The following WDR19 variants were observed in gnomAD, a reference collection of about 807,000 sequenced individuals.
The protein encoded by WDR19 is WD repeat domain 19, also known as WD repeat-containing protein 19.
WDR19 carries 121 observed loss-of-function variants against 180.0 expected under a neutral mutation model. The ratio of observed to expected loss-of-function variants is 0.67; its 90% CI spans 0.58 to 0.78. WDR19 has a LOEUF of 0.78. Ranked by LOEUF, WDR19 falls within the 30% of genes least tolerant of loss-of-function variation. WDR19 has a pLI of 0.00. For missense variants in WDR19, 1,450 were observed against 1,640.7 expected (o/e 0.88, Z 2.01); for synonymous variants, 497 against 540.7 (o/e 0.92, Z 1.12).
intron 14 of WDR19, among the ~76,000 whole-genome samples, chr4:39,220,560 ATTTT>A (rs142037096): frequency 3.1e-5 from 2 of 64,376 alleles, no homozygotes; most frequent in African/African-American, 1.5e-4. Flanking sequence ...GACCTCCTTG[ATTTT>A]TTTTTTTTTT....
intron 9 of WDR19, chr4:39,206,066 T>G (rs1024468996): frequency 1.8e-5 from 3 of 168,624 alleles, no homozygotes; most frequent in African/African-American, 7.2e-5. Context: ...GCAGGCAGAT[T>G]GGAAAAGAAG....
chr4:39,278,272 C>T, intron 35 of WDR19, 65 bp downstream of exon 35: 1 of 1,415,426 alleles, frequency 7.1e-7, no homozygotes, highest in Non-Finnish European at 9.6e-7. Context: ...CATTCTACCT[C>T]TTTTCTTCCG....
chr4:39,219,496 A>G (rs1729434704), intron 14 of WDR19, among the ~76,000 whole-genome samples: 1 of 152,190 alleles, frequency 6.6e-6, no homozygotes, highest in South Asian at 2.1e-4. Flanking sequence ...ATTTTTAAGC[A>G]ATTTTGATGG....
intron 17 of WDR19, among the ~76,000 whole-genome samples, chr4:39,231,315 CAAAAA>C (rs56002679): frequency 9.2e-5 from 8 of 87,274 alleles, no homozygotes; most frequent in South Asian, 4.0e-4. Context: ...ACTCCGTCTT[CAAAAA>C]AAAAAAAAAA....
intron 14 of WDR19, among the ~76,000 whole-genome samples, chr4:39,223,005 G>A (rs1194202421): frequency 1.3e-5 from 2 of 152,110 alleles, no homozygotes; most frequent in Non-Finnish European, 2.9e-5. Flanking sequence ...TCACTCAGCA[G>A]ACTTCTCTGG....
intron 2 of WDR19, among the ~76,000 whole-genome samples, chr4:39,186,267 G>A (rs1398485164): frequency 6.6e-6 from 1 of 151,962 alleles, no homozygotes; most frequent in African/African-American, 2.4e-5. Context: ...ATCACTTGAG[G>A]CCAGGAGTTT....
chr4:39,284,331 ATTTTTTTTTTTTTTTT>A, intron 36 of WDR19, among the ~76,000 whole-genome samples: 1 of 91,542 alleles, frequency 1.1e-5, no homozygotes, highest in Non-Finnish European at 2.0e-5. Flanking sequence ...AGTAAAAAAA[ATTTTTTTTTTTTTTTT>A]TTTTTTTTTG....
At chr4:39,238,412 A>G (rs1473692562) in intron 20 of WDR19, among the ~76,000 whole-genome samples, 1 of 152,226 alleles carries the variant, frequency 6.6e-6, no homozygotes, top group African/African-American at 2.4e-5. Flanking sequence ...TGAGCTAAAA[A>G]CAACATAAAA....
At chr4:39,205,952 A>G (rs1251281331) in intron 9 of WDR19, 3 of 481,832 alleles carry the variant, frequency 6.2e-6, no homozygotes, top group Middle Eastern at 5.7e-4. Flanking sequence ...TCTGGGTAAC[A>G]TGGAGTAAGC....
chr4:39,188,436 C>A (rs1345391615), intron 3 of WDR19, among the ~76,000 whole-genome samples: 3 of 151,314 alleles, frequency 2.0e-5, no homozygotes, highest in Non-Finnish European at 4.4e-5. Context: ...AAATAATGAC[C>A]AGGCACAGGG....
chr4:39,186,758 G>T (rs1165183832), intron 3 of WDR19, among the ~76,000 whole-genome samples, 154 bp downstream of exon 3: 1 of 152,146 alleles, frequency 6.6e-6, no homozygotes, highest in African/African-American at 2.4e-5. Context: ...TATGAAATAT[G>T]TAGAGATATA....
chr4:39,192,971 A>C (rs780669384), intron 4 of WDR19, among the ~76,000 whole-genome samples: 7 of 152,144 alleles, frequency 4.6e-5, no homozygotes, highest in Non-Finnish European at 8.8e-5. Context: ...GCTGGGGCTC[A>C]TGGGCAGTTA....
chr4:39,273,035 C>CCAACAACA lies in WDR19; in HGVS notation c.3540_3547dup (p.Ile1183ThrfsTer15). 6.2e-7 allele frequency: 1 copy of CCAACAACA among 1,605,228 alleles called. No individual in the cohort carries two copies. The highest frequency in any genetic ancestry group is 8.5e-7 in the Non-Finnish European group (1 of 1,176,144). On this transcript the variant is annotated frameshift_variant, in exon 32 of 37. Coordinates refer to ENST00000399820, the MANE Select transcript of WDR19 (RefSeq NM_025132.4). LOFTEE classifies it high-confidence loss of function. ...GGGGCTCGCATGCTCATTCGGGTGG[C>CCAACAACA]CAACAACATCAGCAAATTTCCATCA...
chr4:39,281,236 T>TAGAGAGAGAGAGAGAG lies in WDR19; in HGVS notation c.*13+2585_*13+2600dup, dbSNP rs1553919999. ...GTGTGTATATATATATATATATATA[T>TAGAGAGAGAGAGAGAG]AGAGAGAGAGAGAGAGAGAGAGAGA... On this transcript the variant is annotated intron_variant, in intron 36 of 36. Transcript: ENST00000399820. Among the ~76,000 whole-genome samples, 654 of 103,884 alleles carry TAGAGAGAGAGAGAGAG rather than the reference T, an allele frequency of 6.3e-3. 5 individuals carry two copies. Among genetic ancestry groups the TAGAGAGAGAGAGAGAG allele is most frequent in the Middle Eastern group, 8.3e-3 (2 of 240 alleles). The allele number at this position is 103,884 out of a possible 152,430, so 68.2% of individuals were successfully genotyped here.
At chr4:39,210,544 A>C (rs998642626) in intron 9 of WDR19, among the ~76,000 whole-genome samples, 15 of 151,576 alleles carry the variant, frequency 9.9e-5, no homozygotes, top group Admixed American at 7.9e-4. Context: ...GCATGGCGGC[A>C]TGTGCCTGTA....
At chr4:39,270,201 G>T in intron 31 of WDR19, 101 bp downstream of exon 31, 2 of 1,467,594 alleles carry the variant, frequency 1.4e-6, no homozygotes, top group South Asian at 2.5e-5. Context: ...TGATTGTCTA[G>T]ATGTCTGTAT....
At position 39,280,119 on chromosome 4, in the gene WDR19, G is replaced by GTTTTTTT. The variant is rs551041321; in HGVS notation, c.*13+1472_*13+1478dup. Among the ~76,000 whole-genome samples, 88 of 53,956 alleles carry GTTTTTTT rather than the reference G, an allele frequency of 1.6e-3. 1 individual carries two copies. The highest frequency in any genetic ancestry group is 4.8e-3 in the South Asian group (6 of 1,240). 35.4% of individuals were successfully genotyped at this position (53,956 alleles called of 152,430 possible). A position where few individuals can be genotyped will look rare whatever the true frequency, so the allele number is the denominator to read the frequency against. ...TTTGTGGGTTTTTTTCCCTTTTCTT[G>GTTTTTTT]TTTTTTTTTTTTTTTTTTTTTTAAT... On this transcript the variant is annotated intron_variant, in intron 36 of 36. Transcript: ENST00000399820.
intron 17 of WDR19, 22 bp downstream of exon 17, chr4:39,228,712 T>G (rs1730549116): frequency 6.7e-7 from 1 of 1,503,584 alleles, no homozygotes; most frequent in African/African-American, 1.4e-5. Flanking sequence ...CACACTTCTT[T>G]TGGAACTTCT....
At chr4:39,278,007 ATG>A (rs966177950) in intron 34 of WDR19, 122 bp from the exon 35 acceptor site, 3 of 770,296 alleles carry the variant, frequency 3.9e-6, no homozygotes, top group Non-Finnish European at 6.4e-6. Context: ...ACAGCCAACA[ATG>A]TGCCACTGCA....
Sources: gnomAD v4.1 joint callset for allele counts (sites outside exome capture counted in the v4.1 genomes callset) on GRCh38, gnomAD v4.1.1 for gene constraint, MANE v1.5 for transcripts, NCBI Gene and HGNC (gene_info 2026-07-23, HGNC 2026-07-21) for gene names.